Variants in AHNAK observed in about 807,000 individuals in gnomAD.
AHNAK encodes the protein AHNAK nucleoprotein.
In AHNAK, 23 loss-of-function variants were observed where a neutral mutation model predicts 37.8. The ratio of observed to expected loss-of-function variants is 0.61; its 90% CI spans 0.44 to 0.86. The LOEUF (loss-of-function observed/expected upper bound fraction) is 0.86, where lower values mean the gene tolerates loss of function less well. AHNAK is among the 40% of genes least tolerant of loss of function. The pLI, the probability that AHNAK is intolerant of heterozygous loss-of-function variation, is 0.00. For missense variants in AHNAK, 7,411 were observed against 7,319.4 expected, an observed-to-expected ratio of 1.01 and a Z score of -0.46; for synonymous variants, 2,481 against 2,636.3, an observed-to-expected ratio of 0.94 and a Z score of 1.80.
chr11:62,440,489 A>T (rs1938281494), intron 5 of AHNAK, among the ~76,000 whole-genome samples: 1 of 152,084 alleles, frequency 6.6e-6, no homozygotes, highest in African/African-American at 2.4e-5. Flanking sequence ...CACAGATCCC[A>T]CAAGCCCCCA....
At chr11:62,485,701 CA>C (rs1286819688) in intron 5 of AHNAK, among the ~76,000 whole-genome samples, 3,326 of 51,924 alleles carry the variant, frequency 0.064, 91 homozygotes, top group African/African-American at 0.13. Context: ...GACTCCATCT[CA>C]AAAAAAAAAA....
chr11:62,467,211 T>TAAA (rs57593006), intron 5 of AHNAK, among the ~76,000 whole-genome samples: 15 of 137,918 alleles, frequency 1.1e-4, no homozygotes, highest in Admixed American at 1.5e-4. Flanking sequence ...GATCCTGTCT[T>TAAA]AAAAAAAAAA....
chr11:62,525,200 T>C lies in AHNAK; in HGVS notation c.9217A>G (p.Lys3073Glu). 6.2e-7 allele frequency: 1 copy of C among 1,611,220 alleles called. No homozygotes were observed. Among genetic ancestry groups the C allele is most frequent in the Non-Finnish European group, 8.5e-7 (1 of 1,179,288 alleles). ...PDVNIEGPEGKLKGPKFKMPE... is the reference protein window; with the variant it reads ...PDVNIEGPEGELKGPKFKMPE... ...ATTTTGAATTTGGGACCTTTCAACT[T>C]TCCCTCTGGGCCTTCGATATTCACA... Residue 3073 changes from lysine to glutamate, a missense_variant, in exon 5 of 5, where the codon AAG becomes GAG. By Grantham distance (56) the Lys-to-Glu change is moderately conservative. Transcript: ENST00000378024.
chr11:62,500,952 C>T (rs936647852), intron 4 of AHNAK, among the ~76,000 whole-genome samples: 1 of 152,172 alleles, frequency 6.6e-6, no homozygotes, highest in Non-Finnish European at 1.5e-5. Context: ...GGCACAGTGG[C>T]TCACATCTGT....
At position 62,519,359 on chromosome 11, in the gene AHNAK, T is replaced by A. The variant is rs1211857480; in HGVS notation, c.15058A>T (p.Lys5020Ter). 7 of 1,614,040 alleles carry A rather than the reference T, an allele frequency of 4.3e-6. No homozygotes were observed. The highest frequency in any genetic ancestry group is 1.3e-5 in the African/African-American group (1 of 74,922). ...PEISVGGKGK[K>*]SKFKMPKIHM... Reference sequence around the variant, plus strand: ...ATTTTAGGCATTTTAAACTTACTTTTCTTGCCCTTGCCACCAACACTAATT... The same window carrying A: ...ATTTTAGGCATTTTAAACTTACTTTACTTGCCCTTGCCACCAACACTAATT... Residue 5020 changes from lysine (K) to a stop codon, truncating the protein, a stop_gained, in exon 5 of 5, where the codon AAA (lysine) becomes TAA (stop). Coordinates refer to ENST00000378024, the MANE Select transcript of AHNAK (RefSeq NM_001620.3). LOFTEE classifies it low-confidence loss of function (END_TRUNC).
intron 4 of AHNAK, among the ~76,000 whole-genome samples, chr11:62,507,992 G>A (rs1939838954): frequency 6.6e-6 from 1 of 152,198 alleles, no homozygotes; most frequent in Non-Finnish European, 1.5e-5. Context: ...CATTCTGACT[G>A]GAGTGCAATG....
At chr11:62,478,750 CAAAAAAAA>C (rs11358273) in intron 5 of AHNAK, among the ~76,000 whole-genome samples, 1 of 88,462 alleles carries the variant, frequency 1.1e-5, no homozygotes, top group African/African-American at 4.1e-5. Context: ...GACCCTGCCT[CAAAAAAAA>C]AAAAAAAAAA....
At position 62,433,862 on chromosome 11, in the gene AHNAK, G is replaced by T. The variant is rs933106188; in HGVS notation, c.*22C>A. ...GTCACAAAAACAACCTTAAGAGGGGGTGGTTTTCTTCCTGGCCGCTTCTAC... is the reference window on the plus strand; with the variant it reads ...GTCACAAAAACAACCTTAAGAGGGGTTGGTTTTCTTCCTGGCCGCTTCTAC... On this transcript the variant is annotated 3_prime_UTR_variant, in exon 6 of 6. Transcript: ENST00000257247. 1.1e-5 allele frequency: 17 copies of T among 1,613,780 alleles called. No individual in the cohort carries two copies. In the South Asian group the frequency reaches 1.2e-4, roughly 11 times the overall value.
chr11:62,529,844 C>G lies in AHNAK; in HGVS notation c.4573G>C (p.Gly1525Arg). ...TTCATATCCACCTCTGGGCCCTCTC[C>G]TTTAAAGCCAGGCATGCTGAACTTG... The part of the protein sequence containing the change: ...MPKFSMPGFK[G>R]EGPEVDMNLP... The change falls in exon 5 of 5, where the codon GGA (glycine) becomes CGA (arginine). Residue 1525 changes from glycine to arginine, a missense_variant. Transcript: ENST00000378024. The G allele has an allele frequency of 2.5e-6, 4 of 1,614,112 alleles. No homozygotes were observed. Among genetic ancestry groups the G allele is most frequent in the Non-Finnish European group, 3.4e-6 (4 of 1,180,036 alleles).
intron 5 of AHNAK, among the ~76,000 whole-genome samples, chr11:62,491,117 C>T (rs981585149): frequency 1.3e-5 from 2 of 152,060 alleles, no homozygotes; most frequent in African/African-American, 4.8e-5. Flanking sequence ...TTTGCAATTA[C>T]CTCCAAAAAA....
intron 5 of AHNAK, among the ~76,000 whole-genome samples, chr11:62,451,693 C>T (rs1161849124): frequency 7.2e-6 from 1 of 139,050 alleles, no homozygotes; most frequent in Non-Finnish European, 1.5e-5. Flanking sequence ...GCTGAGATTG[C>T]ACCATTGCAC....
At chr11:62,499,669 G>A (rs1271812948) in intron 4 of AHNAK, among the ~76,000 whole-genome samples, 1 of 152,024 alleles carries the variant, frequency 6.6e-6, no homozygotes, top group Admixed American at 6.5e-5. Context: ...GTGTGGCCGA[G>A]TGCTGGTGGG....
At chr11:62,542,089 T>A (rs1414927502) in intron 1 of AHNAK, 1 of 152,276 alleles carries the variant, frequency 6.6e-6, no homozygotes, top group Non-Finnish European at 1.5e-5. Flanking sequence ...ATGAACATGT[T>A]GCAAAACACA....
chr11:62,515,786 G>A, downstream of AHNAK: 1 of 736,762 alleles, frequency 1.4e-6, no homozygotes, highest in Non-Finnish European at 1.7e-6. Context: ...CTGTCTTAAA[G>A]TCACTGATGA....
chr11:62,436,394 C>G (rs1287600190), intron 5 of AHNAK, among the ~76,000 whole-genome samples: 2 of 152,106 alleles, frequency 1.3e-5, no homozygotes, highest in African/African-American at 4.8e-5. Flanking sequence ...GGCAACAGTG[C>G]AGAATATGGC....
Position 62,519,136 on chromosome 11 carries a change from T to A in AHNAK, c.15281A>T (p.Glu5094Val), listed in dbSNP as rs1252470574. 5.0e-6 allele frequency: 8 copies of A among 1,613,860 alleles called. No individual in the cohort carries two copies. Among genetic ancestry groups the A allele is most frequent in the Non-Finnish European group, 5.9e-6 (7 of 1,179,956 alleles). The change falls in exon 5 of 5, where the codon GAG becomes GTG. Residue 5094 changes from glutamate (E) to valine (V), a missense_variant. Physicochemically the swap from Glu to Val is moderately radical, Grantham distance 121 (BLOSUM62 -2). Coordinates refer to ENST00000378024, the MANE Select transcript of AHNAK (RefSeq NM_001620.3). ...MFGKMYFPDV[E>V]FDIKSPKFKA... ...AAATTTAGGTGATTTAATGTCAAAC[T>A]CTACATCTGGGAAGTACATTTTTCC...
intron 1 of AHNAK, among the ~76,000 whole-genome samples, chr11:62,539,660 C>T (rs1941063774): frequency 6.6e-6 from 1 of 152,250 alleles, no homozygotes. Flanking sequence ...CAGATGCAAC[C>T]TACGTGGTTC....
chr11:62,517,123 T>G lies in AHNAK; in HGVS notation c.17294A>C (p.Lys5765Thr), dbSNP rs149663018. ...GEAEAEASSP[K>T]GKFSLFKSKK... is the part of the protein sequence containing the mutation. ...ACTTTTAAATAAGGAGAATTTGCCT[T>G]TCGGTGAAGAGGCTTCGGCCTCTGC... Residue 5765 changes from lysine (K) to threonine (T), a missense_variant, in exon 5 of 5, where the codon AAA becomes ACA. Coordinates refer to ENST00000378024, the MANE Select transcript of AHNAK (RefSeq NM_001620.3). 112 of 1,612,952 alleles carry G rather than the reference T, an allele frequency of 6.9e-5. No individual in the cohort carries two copies. In the African/African-American group the frequency reaches 1.3e-3, roughly 19 times the overall value.
At position 62,529,246 on chromosome 11, in the gene AHNAK, C is replaced by T; in HGVS notation, c.5171G>A (p.Gly1724Asp). The change falls in exon 5 of 5, where the codon GGC (glycine) becomes GAC (aspartate). Residue 1724 changes from glycine (G) to aspartate (D), a missense_variant. Gly to Asp is a moderately conservative substitution (Grantham distance 94). Transcript: ENST00000378024. ...KMKMPKFSMP[G>D]FKAEGPEVDV... ...CACTTCAGGGCCCTCTGCTTTGAAG[C>T]CAGGCATACTGAACTTGGGCATTTT... 1 of 1,614,194 alleles carries T rather than the reference C, an allele frequency of 6.2e-7. No homozygotes were observed. The highest frequency in any genetic ancestry group is 8.5e-7 in the Non-Finnish European group (1 of 1,180,048).
Sources: allele counts gnomAD v4.1 joint callset (sites outside exome capture counted in the v4.1 genomes callset), GRCh38; gene constraint gnomAD v4.1.1; transcripts MANE v1.5; gene names NCBI Gene and HGNC (gene_info 2026-07-23, HGNC 2026-07-21).